CTNNA3: variants seen among roughly 807,000 people sequenced by gnomAD.
CTNNA3 encodes the protein catenin alpha-3.
In CTNNA3, 76 loss-of-function variants were observed where a neutral mutation model predicts 95.7. The observed-to-expected ratio is 0.79, with a 90% CI of 0.66 to 0.96. The LOEUF is 0.96. Ranked by LOEUF, CTNNA3 falls within the 40% of genes least tolerant of loss-of-function variation. The pLI, the probability that CTNNA3 is intolerant of heterozygous loss-of-function variation, is 0.00. For missense variants in CTNNA3, 1,191 were observed against 1,089.8 expected, an observed-to-expected ratio of 1.09 and a Z score of -1.31; for synonymous variants, 431 against 374.4, an observed-to-expected ratio of 1.15 and a Z score of -1.74.
intron 13 of CTNNA3, among the ~76,000 whole-genome samples, chr10:66,275,694 T>C (rs1589913229): frequency 6.6e-6 from 1 of 152,270 alleles, no homozygotes; most frequent in East Asian, 1.9e-4. Flanking sequence ...TAAGATAACA[T>C]TCTACATTGG....
intron 5 of CTNNA3, among the ~76,000 whole-genome samples, chr10:67,363,118 A>T (rs1226726353): frequency 1.3e-5 from 2 of 152,136 alleles, no homozygotes; most frequent in Non-Finnish European, 2.9e-5. Flanking sequence ...ACCAGAGATG[A>T]CACAAAATAA....
intron 13 of CTNNA3, among the ~76,000 whole-genome samples, chr10:66,236,555 T>C (rs551356071): frequency 6.6e-6 from 1 of 152,278 alleles, no homozygotes; most frequent in Non-Finnish European, 1.5e-5. Context: ...AAATCTAAAG[T>C]CAGAACTATC....
chr10:65,986,265 G>A (rs10822688), intron 16 of CTNNA3, among the ~76,000 whole-genome samples: 128,255 of 149,424 alleles, frequency 0.86, 55,258 homozygotes, highest in African/African-American at 0.9. Flanking sequence ...ACTACCATGT[G>A]CTCACAAAAA....
chr10:67,559,558 C>T (rs998263788), intron 3 of CTNNA3, among the ~76,000 whole-genome samples: 1 of 152,072 alleles, frequency 6.6e-6, no homozygotes, highest in African/African-American at 2.4e-5. Context: ...AGCAGAAAAA[C>T]TGGAAACTCT....
At chr10:66,688,270 C>T (rs1847375294) in intron 9 of CTNNA3, among the ~76,000 whole-genome samples, 1 of 152,060 alleles carries the variant, frequency 6.6e-6, no homozygotes, top group Admixed American at 6.5e-5. Context: ...CAAGAACTTC[C>T]CTTAGGTTTT....
At chr10:66,757,258 G>C (rs1049243680) in intron 9 of CTNNA3, among the ~76,000 whole-genome samples, 1 of 152,118 alleles carries the variant, frequency 6.6e-6, no homozygotes, top group Non-Finnish European at 1.5e-5. Flanking sequence ...CTGAGAGGGG[G>C]CTGAGTGATA....
At chr10:66,917,007 C>T (rs1239397919) in intron 7 of CTNNA3, among the ~76,000 whole-genome samples, 1 of 152,148 alleles carries the variant, frequency 6.6e-6, no homozygotes, top group Non-Finnish European at 1.5e-5. Flanking sequence ...TGGTCATTGC[C>T]CTCATCCTTG....
At chr10:67,092,422 T>A (rs1857703550) in intron 7 of CTNNA3, among the ~76,000 whole-genome samples, 1 of 151,980 alleles carries the variant, frequency 6.6e-6, no homozygotes, top group South Asian at 2.1e-4. Context: ...AAAAGAAGAC[T>A]GTCATTTTCT....
intron 5 of CTNNA3, among the ~76,000 whole-genome samples, chr10:67,483,305 G>T (rs906161408): frequency 1.4e-5 from 2 of 145,140 alleles, no homozygotes; most frequent in African/African-American, 5.5e-5. Context: ...CTGCTATAAA[G>T]ACACATGCAC....
At chr10:66,275,908 T>A (rs1173939857) in intron 13 of CTNNA3, among the ~76,000 whole-genome samples, 1 of 152,066 alleles carries the variant, frequency 6.6e-6, no homozygotes, top group Non-Finnish European at 1.5e-5. Flanking sequence ...AAAGTTATAT[T>A]TAATTCCAGG....
intron 3 of CTNNA3, among the ~76,000 whole-genome samples, chr10:67,548,522 T>C (rs1380053825): frequency 6.6e-6 from 1 of 152,162 alleles, no homozygotes; most frequent in Non-Finnish European, 1.5e-5. Flanking sequence ...GGCAAAGTTA[T>C]AGAAATCACA....
At chr10:66,410,021 T>C (rs1474221004) in intron 11 of CTNNA3, among the ~76,000 whole-genome samples, 2 of 152,210 alleles carry the variant, frequency 1.3e-5, no homozygotes, top group African/African-American at 4.8e-5. Flanking sequence ...TCCACTGTTA[T>C]TCTGATTAAG....
At chr10:66,685,205 ACG>A (rs1491301845) in intron 9 of CTNNA3, among the ~76,000 whole-genome samples, 14 of 40,166 alleles carry the variant, frequency 3.5e-4, no homozygotes, top group East Asian at 5.7e-3. Context: ...ATATATATAT[ACG>A]TATATATATG....
chr10:67,599,259 C>T (rs1183838412), intron 3 of CTNNA3, among the ~76,000 whole-genome samples: 2 of 152,132 alleles, frequency 1.3e-5, no homozygotes, highest in Admixed American at 6.6e-5. Context: ...TAAAAGAATC[C>T]GAAACATCTC....
At chr10:66,648,577 T>TA (rs1200428678) in intron 9 of CTNNA3, among the ~76,000 whole-genome samples, 2 of 152,134 alleles carry the variant, frequency 1.3e-5, no homozygotes, top group Non-Finnish European at 2.9e-5. Context: ...GGGGAGACAC[T>TA]AAAATGTTTT....
chr10:67,461,751 A>G (rs1847389113), intron 5 of CTNNA3, among the ~76,000 whole-genome samples: 1 of 152,188 alleles, frequency 6.6e-6, no homozygotes, highest in Non-Finnish European at 1.5e-5. Context: ...TTATATCATT[A>G]ATCTAATATT....
At chr10:67,450,819 C>A (rs1268626767) in intron 5 of CTNNA3, among the ~76,000 whole-genome samples, 1 of 151,490 alleles carries the variant, frequency 6.6e-6, no homozygotes, top group Non-Finnish European at 1.5e-5. Context: ...GAATCATAGA[C>A]AACTTTATGA....
chr10:66,576,741 A>G (rs1843015569), intron 10 of CTNNA3, among the ~76,000 whole-genome samples: 1 of 151,990 alleles, frequency 6.6e-6, no homozygotes, highest in South Asian at 2.1e-4. Context: ...GTCAATGGGC[A>G]TCTTGGTTGA....
At position 66,120,286 on chromosome 10, in the gene CTNNA3, A is replaced by G. The variant is rs1366944830; in HGVS notation, c.1885-17037T>C. Among the ~76,000 whole-genome samples the G allele has an allele frequency of 3.9e-5, 6 of 152,216 alleles. 1 individual carries two copies. Among genetic ancestry groups the G allele is most frequent in the African/African-American group, 1.4e-4 (6 of 41,474 alleles). On this transcript the variant is annotated intron_variant, in intron 13 of 17. Transcript: ENST00000433211. ...CTTATAGGGTTGTTGTGAGGAATAT[A>G]TGACAGTAATGTAAAGTACTGAATA...
Sources: allele counts gnomAD v4.1 joint callset (sites outside exome capture counted in the v4.1 genomes callset), GRCh38; gene constraint gnomAD v4.1.1; transcripts MANE v1.5; gene names NCBI Gene and HGNC (gene_info 2026-07-23, HGNC 2026-07-21).